Variants in SNX8 observed in about 807,000 individuals in gnomAD.
The protein encoded by SNX8 is sorting nexin-8.
A neutral mutation model predicts 51.6 loss-of-function variants in SNX8; 25 were observed. That is an observed-to-expected ratio of 0.48 (90% CI 0.35 to 0.68). SNX8 has a LOEUF of 0.68. SNX8 is among the 30% of genes least tolerant of loss of function. The pLI is 0.00. For synonymous variants in SNX8, 324 were observed against 277.0 expected (o/e 1.17, Z -1.68); for missense variants, 695 against 624.0 (o/e 1.11, Z -1.21).
At chr7:2,350,716 G>A (rs1232347268) in intron 1 of SNX8, among the ~76,000 whole-genome samples, 1 of 151,970 alleles carries the variant, frequency 6.6e-6, no homozygotes, top group Non-Finnish European at 1.5e-5. Context: ...GCACAACCTC[G>A]GCTCACTGCA....
intron 1 of SNX8, among the ~76,000 whole-genome samples, chr7:2,343,766 C>T (rs553359582): frequency 2.1e-3 from 323 of 152,220 alleles, no homozygotes; most frequent in South Asian, 4.6e-3. Context: ...CACCTGTAAT[C>T]CTAGCACTTT....
intron 1 of SNX8, among the ~76,000 whole-genome samples, chr7:2,307,557 G>T (rs13247196): frequency 1.3e-5 from 2 of 150,704 alleles, no homozygotes; most frequent in African/African-American, 4.9e-5. Flanking sequence ...GCTTGAACCC[G>T]GGAGGCGGAG....
At chr7:2,304,401 A>C (rs547960659) in intron 1 of SNX8, among the ~76,000 whole-genome samples, 1 of 151,436 alleles carries the variant, frequency 6.6e-6, no homozygotes, top group Admixed American at 6.6e-5. Flanking sequence ...AAAATTAGCC[A>C]GGCGTGGTGG....
rs576395000 is a variant in SNX8 at position 2,343,436 on chromosome 7, G to A, written c.-66+10786C>T. 5.4e-3 allele frequency among the ~76,000 whole-genome samples: 825 copies of A among 152,126 alleles called. 10 individuals are homozygous for A. Among genetic ancestry groups the A allele is most frequent in the African/African-American group, 0.019 (795 of 41,548 alleles). ...CACGCCTGTAATCCCAGCACCTTGG[G>A]AGGCCGAGGCGGGCGGATCACGAGA... On this transcript the variant is annotated intron_variant, in intron 1 of 5. Transcript: ENST00000435336.
chr7:2,346,105 C>G (rs1359743933), intron 1 of SNX8, among the ~76,000 whole-genome samples: 1 of 152,204 alleles, frequency 6.6e-6, no homozygotes, highest in East Asian at 1.9e-4. Context: ...CCACACCCAG[C>G]CTATTTCTTA....
chr7:2,338,324 C>T (rs149991720), intron 1 of SNX8, among the ~76,000 whole-genome samples: 111,193 of 151,104 alleles, frequency 0.74, 41,022 homozygotes, highest in East Asian at 0.85. Context: ...TAGCCGGGCA[C>T]GGTGGCAGGT....
At chr7:2,266,637 G>C (rs1206178062) in intron 5 of SNX8, among the ~76,000 whole-genome samples, 2 of 152,108 alleles carry the variant, frequency 1.3e-5, no homozygotes, top group South Asian at 4.1e-4. Context: ...AAGCCACCAC[G>C]CCCGGCCGGT....
chr7:2,302,046 T>A (rs1302951667), intron 1 of SNX8, among the ~76,000 whole-genome samples: 1 of 152,030 alleles, frequency 6.6e-6, no homozygotes, highest in East Asian at 1.9e-4. Context: ...ATCGAGACCA[T>A]CCTGGCTAAC....
Position 2,254,313 on chromosome 7 carries a change from C to G in SNX8, c.*743G>C, listed in dbSNP as rs954619524. On this transcript the variant is annotated 3_prime_UTR_variant, in exon 11 of 11. Coordinates refer to ENST00000222990, the MANE Select transcript of SNX8 (RefSeq NM_013321.4). ...CGGTGCAGACCCCAACACTGGCCACCAGAAATCAAGGGAGTCCAGGGGACG... is the reference window on the plus strand; with the variant it reads ...CGGTGCAGACCCCAACACTGGCCACGAGAAATCAAGGGAGTCCAGGGGACG... 1.3e-5 allele frequency: 2 copies of G among 153,420 alleles called. No homozygotes were observed. Among genetic ancestry groups the G allele is most frequent in the African/African-American group, 4.8e-5 (2 of 41,468 alleles). The allele number at this position is 153,420 out of a possible 1,614,324, so 9.5% of individuals were successfully genotyped here.
chr7:2,274,510 G>A (rs987021511), intron 3 of SNX8, among the ~76,000 whole-genome samples: 14 of 152,372 alleles, frequency 9.2e-5, no homozygotes, highest in Admixed American at 2.0e-4. Context: ...CTGCAGCCCA[G>A]GGGGACACAG....
chr7:2,256,073 C>T (rs1795170749), intron 10 of SNX8, among the ~76,000 whole-genome samples: 1 of 152,242 alleles, frequency 6.6e-6, no homozygotes, highest in Non-Finnish European at 1.5e-5. Context: ...CATTCCTTCA[C>T]TGAGGACACA....
At chr7:2,326,638 C>T (rs1448563800) in intron 1 of SNX8, among the ~76,000 whole-genome samples, 2 of 151,966 alleles carry the variant, frequency 1.3e-5, no homozygotes, top group African/African-American at 4.8e-5. Flanking sequence ...TGCACTCCAG[C>T]CTGGGCGACA....
At position 2,331,705 on chromosome 7, in the gene SNX8, AAAATAAATAAAT is replaced by A. The variant is rs61385746; in HGVS notation, c.-66+22505_-66+22516del. Among the ~76,000 whole-genome samples the A allele has an allele frequency of 6.2e-5, 9 of 145,604 alleles. No homozygotes were observed. In the South Asian group the frequency reaches 1.1e-3, roughly 18 times the overall value. ...GGGCAACAGAGTGACACTCCGTCTC[AAAATAAATAAAT>A]AAATAAATAAATAAATAAATACCAT... On this transcript the variant is annotated intron_variant, in intron 1 of 5. Transcript: ENST00000435336.
intron 9 of SNX8, 31 bp from the exon 10 acceptor site, chr7:2,257,054 G>A (rs984145463): frequency 1.9e-6 from 3 of 1,571,892 alleles, no homozygotes; most frequent in African/African-American, 1.3e-5. Flanking sequence ...TTTCGCACCC[G>A]GCCCAGCCGG....
chr7:2,311,050 C>T (rs528626419), intron 1 of SNX8, among the ~76,000 whole-genome samples: 2 of 152,258 alleles, frequency 1.3e-5, no homozygotes, highest in African/African-American at 4.8e-5. Context: ...TATGGCATAA[C>T]TGAAAATTAA....
chr7:2,331,001 A>G lies in SNX8; in HGVS notation c.-66+23221T>C, dbSNP rs188068478. Among the ~76,000 whole-genome samples the G allele has an allele frequency of 1.7e-3, 256 of 152,050 alleles. 3 individuals carry two copies. The highest frequency in any genetic ancestry group is 0.01 in the Middle Eastern group (3 of 294). Reference sequence around the variant, plus strand: ...GGAATTCAAGACCAGCCTGGCCAACATGGTGAAACCCCGTCTCTACTAAAA... The same window carrying G: ...GGAATTCAAGACCAGCCTGGCCAACGTGGTGAAACCCCGTCTCTACTAAAA... On this transcript the variant is annotated intron_variant, in intron 1 of 5. Transcript: ENST00000435336.
chr7:2,277,865 A>G (rs1390669315), intron 2 of SNX8, among the ~76,000 whole-genome samples: 1 of 151,042 alleles, frequency 6.6e-6, no homozygotes, highest in African/African-American at 2.4e-5. Context: ...GACAAACTGG[A>G]CCAGGGGTGA....
intron 1 of SNX8, among the ~76,000 whole-genome samples, chr7:2,303,331 G>T (rs1584722295): frequency 6.7e-6 from 1 of 149,784 alleles, no homozygotes; most frequent in South Asian, 2.1e-4. Flanking sequence ...GGAGGGAGGT[G>T]GAGGGGTCAG....
chr7:2,306,526 C>A (rs961624626), intron 1 of SNX8, among the ~76,000 whole-genome samples: 2 of 152,196 alleles, frequency 1.3e-5, no homozygotes, highest in African/African-American at 4.8e-5. Flanking sequence ...TTAGCACTTT[C>A]GAAGCACAAC....
Sources: gnomAD v4.1 joint callset for allele counts (sites outside exome capture counted in the v4.1 genomes callset) on GRCh38, gnomAD v4.1.1 for gene constraint, MANE v1.5 for transcripts, NCBI Gene and HGNC (gene_info 2026-07-23, HGNC 2026-07-21) for gene names.